The following SLCO3A1 variants were observed in gnomAD, a reference collection of about 807,000 sequenced individuals.
The protein encoded by SLCO3A1 is solute carrier organic anion transporter family member 3A1.
In SLCO3A1, 27 loss-of-function variants were observed where a neutral mutation model predicts 63.1. The ratio of observed to expected loss-of-function variants is 0.43; its 90% CI spans 0.32 to 0.59. The LOEUF (loss-of-function observed/expected upper bound fraction) is 0.59, where lower values mean the gene tolerates loss of function less well. Among genes scored for constraint, SLCO3A1 ranks in the 20% least tolerant of loss-of-function variants. The pLI is 0.09. For missense variants in SLCO3A1, 773 were observed against 945.8 expected, an observed-to-expected ratio of 0.82 and a Z score of 2.40; for synonymous variants, 473 against 409.9, an observed-to-expected ratio of 1.15 and a Z score of -1.86.
chr15:92,040,137 C>T (rs897858555), intron 2 of SLCO3A1, among the ~76,000 whole-genome samples: 1 of 152,238 alleles, frequency 6.6e-6, no homozygotes, highest in Middle Eastern at 3.4e-3. Context: ...ATAGGTGAAG[C>T]AAACCACCAC....
At chr15:92,028,555 C>G (rs1280892643) in intron 2 of SLCO3A1, among the ~76,000 whole-genome samples, 1 of 152,138 alleles carries the variant, frequency 6.6e-6, no homozygotes, top group Non-Finnish European at 1.5e-5. Context: ...GACACAAATT[C>G]CAGCCCTCAG....
intron 2 of SLCO3A1, among the ~76,000 whole-genome samples, chr15:92,080,958 G>A (rs977571212): frequency 1.3e-4 from 20 of 150,806 alleles, no homozygotes; most frequent in East Asian, 3.9e-4. Flanking sequence ...GTGTGTGTGT[G>A]TGTGTGTGTG....
intron 2 of SLCO3A1, among the ~76,000 whole-genome samples, chr15:91,991,282 C>CCT (rs2046123292): frequency 6.6e-6 from 1 of 152,096 alleles, no homozygotes; most frequent in African/African-American, 2.4e-5. Context: ...TGGGGGATCA[C>CCT]TTGAACCCAG....
intron 2 of SLCO3A1, among the ~76,000 whole-genome samples, chr15:92,054,246 T>G (rs1050920264): frequency 3.3e-5 from 5 of 152,206 alleles, no homozygotes; most frequent in African/African-American, 1.2e-4. Flanking sequence ...AGACTCATGC[T>G]GTATTAAAAT....
chr15:91,980,738 GAACA>G (rs1426705553), intron 2 of SLCO3A1, among the ~76,000 whole-genome samples: 5 of 152,060 alleles, frequency 3.3e-5, no homozygotes, highest in African/African-American at 7.2e-5. Flanking sequence ...GGTGCCCCTT[GAACA>G]AACACAGTCC....
At chr15:92,146,824 C>T (rs1488199687) in intron 7 of SLCO3A1, among the ~76,000 whole-genome samples, 160 bp from the exon 8 acceptor site, 1 of 151,512 alleles carries the variant, frequency 6.6e-6, no homozygotes, top group Admixed American at 6.6e-5. Context: ...GTGTGTTTTG[C>T]AGCCTCCTTA....
chr15:91,903,533 TATGGTGTGTAC>T (rs1407248996), intron 1 of SLCO3A1, among the ~76,000 whole-genome samples: 2 of 152,136 alleles, frequency 1.3e-5, no homozygotes, highest in Non-Finnish European at 2.9e-5. Flanking sequence ...CAGGGGGTCT[TATGGTGTGTAC>T]TCACCAACCT....
At chr15:92,144,066 G>A (rs1006329200) in intron 7 of SLCO3A1, among the ~76,000 whole-genome samples, 2 of 152,334 alleles carry the variant, frequency 1.3e-5, no homozygotes, top group Non-Finnish European at 1.5e-5. Context: ...CCTTCCGGGC[G>A]CGTCTGTGTG....
At chr15:91,955,260 A>C (rs1339666170) in intron 2 of SLCO3A1, among the ~76,000 whole-genome samples, 1 of 152,056 alleles carries the variant, frequency 6.6e-6, no homozygotes, top group Non-Finnish European at 1.5e-5. Context: ...TGGGATTTGA[A>C]CCCAGGCCAA....
intron 2 of SLCO3A1, among the ~76,000 whole-genome samples, chr15:91,973,648 C>G (rs1900972159): frequency 6.6e-6 from 1 of 152,152 alleles, no homozygotes; most frequent in South Asian, 2.1e-4. Context: ...TGTCTGGATT[C>G]ATTTTTGGTT....
chr15:91,966,350 A>T (rs1211201614), intron 2 of SLCO3A1, among the ~76,000 whole-genome samples: 3 of 152,196 alleles, frequency 2.0e-5, no homozygotes, highest in Admixed American at 2.0e-4. Context: ...AGGGGAGTGG[A>T]GGGACGGACA....
intron 2 of SLCO3A1, among the ~76,000 whole-genome samples, chr15:91,981,639 C>G (rs576724760): frequency 2.0e-5 from 3 of 152,150 alleles, no homozygotes; most frequent in African/African-American, 7.2e-5. Flanking sequence ...TCACAAACTA[C>G]CCCTCCCTTT....
intron 9 of SLCO3A1, among the ~76,000 whole-genome samples, chr15:92,156,386 C>T (rs2048372197): frequency 6.6e-6 from 1 of 152,200 alleles, no homozygotes; most frequent in East Asian, 1.9e-4. Context: ...CCTGCACCAC[C>T]CATGATCTGC....
At chr15:91,970,919 T>G (rs1338165579) in intron 2 of SLCO3A1, among the ~76,000 whole-genome samples, 1 of 152,138 alleles carries the variant, frequency 6.6e-6, no homozygotes, top group African/African-American at 2.4e-5. Flanking sequence ...GTGCAAATCC[T>G]TAAATAGGTA....
At chr15:92,020,642 G>A (rs958987302) in intron 2 of SLCO3A1, among the ~76,000 whole-genome samples, 1 of 152,178 alleles carries the variant, frequency 6.6e-6, no homozygotes, top group Non-Finnish European at 1.5e-5. Flanking sequence ...GGATGGCACC[G>A]TGCATGCACC....
intron 8 of SLCO3A1, 28 bp downstream of exon 8, chr15:92,147,187 C>T (rs1472237378): frequency 3.8e-6 from 6 of 1,592,198 alleles, no homozygotes; most frequent in Non-Finnish European, 5.1e-6. Context: ...CCCCGCCTCT[C>T]CTCCTTTCCA....
intron 9 of SLCO3A1, among the ~76,000 whole-genome samples, chr15:92,159,733 G>A (rs2048414400): frequency 6.6e-6 from 1 of 151,960 alleles, no homozygotes; most frequent in Admixed American, 6.6e-5. Context: ...TTTGTCATCT[G>A]GTAGTGGAGC....
At chr15:92,045,105 A>G (rs2046844355) in intron 2 of SLCO3A1, among the ~76,000 whole-genome samples, 1 of 151,954 alleles carries the variant, frequency 6.6e-6, no homozygotes, top group African/African-American at 2.4e-5. Flanking sequence ...GTGGTGAAAC[A>G]CCGTCTCTAC....
Position 91,988,948 on chromosome 15 carries a change from ATCTC to A in SLCO3A1, c.646+72497_646+72500del, listed in dbSNP as rs2046090488. Among the ~76,000 whole-genome samples the A allele has an allele frequency of 2.6e-5, 4 of 152,046 alleles. No individual in the cohort carries two copies. In the South Asian group the frequency reaches 8.3e-4, roughly 32 times the overall value. ...CACATCAACTATGTGTACAGTTTTC[ATCTC>A]TCTCTCATACTTAACTTGGTGTCCT... On this transcript the variant is annotated intron_variant, in intron 2 of 9. Coordinates refer to ENST00000318445, the MANE Select transcript of SLCO3A1 (RefSeq NM_013272.4).
Sources: allele counts gnomAD v4.1 joint callset (sites outside exome capture counted in the v4.1 genomes callset), GRCh38; gene constraint gnomAD v4.1.1; transcripts MANE v1.5; gene names NCBI Gene and HGNC (gene_info 2026-07-23, HGNC 2026-07-21).